PCDHGA7: variants seen among roughly 807,000 people sequenced by gnomAD.
PCDHGA7 encodes the protein protocadherin gamma subfamily A, 7.
PCDHGA7 carries 44 observed loss-of-function variants against 58.3 expected under a neutral mutation model. That is an observed-to-expected ratio of 0.75 (90% CI 0.59 to 0.97). The LOEUF is 0.97. Ranked by LOEUF, PCDHGA7 falls within the 50% of genes least tolerant of loss-of-function variation. PCDHGA7 has a pLI of 0.00. For synonymous variants in PCDHGA7, 516 were observed against 504.2 expected (o/e 1.02, Z -0.31); for missense variants, 1,266 against 1,188.7 (o/e 1.06, Z -0.96).
chr5:141,453,997 A>C (rs1332821058), intron 1 of PCDHGA7, among the ~76,000 whole-genome samples: 2 of 152,242 alleles, frequency 1.3e-5, no homozygotes, highest in Non-Finnish European at 2.9e-5. Context: ...TGATAAACCC[A>C]CATAACATTT....
intron 1 of PCDHGA7, chr5:141,389,945 G>A (rs2150405694): frequency 1.9e-6 from 3 of 1,614,056 alleles, no homozygotes; most frequent in Middle Eastern, 1.6e-4. Context: ...CTGAGCTGCA[G>A]TTTTACCTAG....
chr5:141,399,414 C>T, intron 1 of PCDHGA7: 1 of 1,614,034 alleles, frequency 6.2e-7, no homozygotes, highest in East Asian at 2.2e-5. Flanking sequence ...CGCCCCTCTC[C>T]TCCAGCATAA....
intron 1 of PCDHGA7, chr5:141,389,495 G>A (rs751415442): frequency 4.3e-6 from 7 of 1,613,020 alleles, no homozygotes; most frequent in Non-Finnish European, 5.9e-6. Context: ...ACCAGGGCTC[G>A]CCAGCGCTCA....
At chr5:141,422,301 G>A (rs777697738) in intron 1 of PCDHGA7, 36 of 1,549,184 alleles carry the variant, frequency 2.3e-5, no homozygotes, top group Non-Finnish European at 3.1e-5. Flanking sequence ...ATTCAATTCT[G>A]GAAAACTCTC....
In PCDHGA7 at chr5:141,489,198, C is replaced by G; in HGVS notation, c.2425-5609C>G. 1 of 1,392,402 alleles carries G rather than the reference C, an allele frequency of 7.2e-7. No individual in the cohort carries two copies. Among genetic ancestry groups the G allele is most frequent in the South Asian group, 1.4e-5 (1 of 71,348 alleles). The allele number at this position is 1,392,402 out of a possible 1,614,324, so 86.3% of individuals were successfully genotyped here. A position where few individuals can be genotyped will look rare whatever the true frequency, so the allele number is the denominator to read the frequency against. On this transcript the variant is annotated intron_variant, in intron 1 of 3. Coordinates refer to ENST00000518325, the MANE Select transcript of PCDHGA7 (RefSeq NM_018920.4). This position sits in a 1 kb window ranked among gnomAD's most constrained non-coding sequence, Gnocchi z 4.5. ...CCAAGCCCTGGGTCTACCTTGGAGA[C>G]AGGACAGCACAGACTTACTCTCCAC...
intron 1 of PCDHGA7, chr5:141,415,739 G>GTTTTT (rs1561759437): frequency 2.3e-6 from 1 of 434,538 alleles, no homozygotes; most frequent in African/African-American, 3.3e-5. Flanking sequence ...TGTTTATTAA[G>GTTTTT]GTTTTTTTTT....
At chr5:141,469,306 A>G in intron 1 of PCDHGA7, among the ~76,000 whole-genome samples, 1 of 150,500 alleles carries the variant, frequency 6.6e-6, no homozygotes, top group South Asian at 2.1e-4. Flanking sequence ...ACTGGGCACG[A>G]TGGCTCACGC....
chr5:141,469,603 GTAAAA>G (rs929191572), intron 1 of PCDHGA7, among the ~76,000 whole-genome samples: 9 of 152,038 alleles, frequency 5.9e-5, no homozygotes, highest in Admixed American at 1.3e-4. Context: ...AACAAAATAA[GTAAAA>G]TAAAATAAAT....
chr5:141,423,132 C>T (rs375287728), intron 1 of PCDHGA7: 41 of 1,613,540 alleles, frequency 2.5e-5, no homozygotes, highest in Non-Finnish European at 3.3e-5. Flanking sequence ...CACTGCTGGA[C>T]AGAGACGCGC....
intron 3 of PCDHGA7, among the ~76,000 whole-genome samples, chr5:141,507,891 C>A (rs1031803854): frequency 6.6e-6 from 1 of 152,208 alleles, no homozygotes; most frequent in African/African-American, 2.4e-5. Flanking sequence ...AGAGAGGTTC[C>A]TGAAGTCCAG....
chr5:141,421,855 C>T (rs1329066630), intron 1 of PCDHGA7: 1 of 1,613,764 alleles, frequency 6.2e-7, no homozygotes, highest in East Asian at 2.2e-5. Context: ...GGCTGCTCAC[C>T]TGCTCCTCCT....
chr5:141,510,529 A>G (rs2099881539), intron 3 of PCDHGA7, among the ~76,000 whole-genome samples: 2 of 152,242 alleles, frequency 1.3e-5, no homozygotes, highest in Admixed American at 6.5e-5. Flanking sequence ...CCCTGAGAGA[A>G]ATACCAGCGA....
At chr5:141,394,486 A>G (rs1446259630) in intron 1 of PCDHGA7, 2 of 1,613,980 alleles carry the variant, frequency 1.2e-6, no homozygotes, top group Non-Finnish European at 8.5e-7. Flanking sequence ...CAGAATGACA[A>G]CGCGCCCGAG....
intron 1 of PCDHGA7, among the ~76,000 whole-genome samples, chr5:141,482,079 C>A (rs2099551704): frequency 8.4e-6 from 1 of 119,308 alleles, no homozygotes; most frequent in African/African-American, 3.8e-5. Context: ...GAACAAAACT[C>A]ACTCCATCTC....
chr5:141,432,725 G>A lies in PCDHGA7; in HGVS notation c.2424+47402G>A, dbSNP rs755759587. The A allele has an allele frequency of 7.4e-6, 12 of 1,613,896 alleles. No individual in the cohort carries two copies. Among genetic ancestry groups the A allele is most frequent in the African/African-American group, 1.3e-5 (1 of 74,932 alleles). On this transcript the variant is annotated intron_variant, in intron 1 of 3. Transcript: ENST00000518325. This position sits in a 1 kb window ranked among gnomAD's most constrained non-coding sequence, Gnocchi z 6.0. ...GGACCACGGCCAGCCCCCTCTCTCC[G>A]CCACTGTCACGCTCACCGTGGCCGT...
At chr5:141,433,655 G>T (rs1227358856) in intron 1 of PCDHGA7, among the ~76,000 whole-genome samples, 2 of 152,036 alleles carry the variant, frequency 1.3e-5, no homozygotes, top group Non-Finnish European at 1.5e-5. Flanking sequence ...GACCAACATG[G>T]AGAAACCCCG....
intron 1 of PCDHGA7, chr5:141,478,803 T>G: frequency 2.1e-6 from 3 of 1,463,244 alleles, no homozygotes; most frequent in Non-Finnish European, 2.7e-6. Context: ...AGCACTCTTT[T>G]GCTATCACAA....
At chr5:141,393,056 C>G in intron 1 of PCDHGA7, 2 of 1,613,606 alleles carry the variant, frequency 1.2e-6, no homozygotes, top group South Asian at 1.1e-5. Context: ...ACCCGCGCAG[C>G]GGCAGCTTGA....
At chr5:141,400,796 A>G (rs2094076929) in intron 1 of PCDHGA7, 1 of 559,742 alleles carries the variant, frequency 1.8e-6, no homozygotes. Context: ...CCTCTTTCTC[A>G]AAGCTAATGA....
Sources: allele counts gnomAD v4.1 joint callset (sites outside exome capture counted in the v4.1 genomes callset), GRCh38; gene constraint gnomAD v4.1.1; non-coding constraint Gnocchi (gnomAD v3.1); transcripts MANE v1.5; gene names NCBI Gene and HGNC (gene_info 2026-07-23, HGNC 2026-07-21).